The following MTHFD1L variants were observed in gnomAD, a reference collection of about 807,000 sequenced individuals.
MTHFD1L encodes the protein methylenetetrahydrofolate dehydrogenase (NADP+ dependent) 1 like.
A neutral mutation model predicts 119.5 loss-of-function variants in MTHFD1L; 81 were observed. The ratio of observed to expected loss-of-function variants is 0.68; its 90% CI spans 0.57 to 0.82. The LOEUF is 0.82. MTHFD1L is among the 40% of genes least tolerant of loss of function. The probability of loss-of-function intolerance (pLI) is 0.00; values close to 1 mark genes in which losing one functional copy is unlikely to be tolerated. For missense variants in MTHFD1L, 1,125 were observed against 1,253.4 expected, an observed-to-expected ratio of 0.90 and a Z score of 1.55; for synonymous variants, 430 against 475.2, an observed-to-expected ratio of 0.90 and a Z score of 1.24.
chr6:150,886,956 G>A (rs185547027), intron 6 of MTHFD1L, among the ~76,000 whole-genome samples: 91 of 147,108 alleles, frequency 6.2e-4, no homozygotes, highest in African/African-American at 1.8e-3. Context: ...TGATCACACC[G>A]CAGCATTCCA....
At chr6:150,954,063 C>CT (rs1795245472) in intron 16 of MTHFD1L, among the ~76,000 whole-genome samples, 1 of 152,210 alleles carries the variant, frequency 6.6e-6, no homozygotes, top group African/African-American at 2.4e-5. Flanking sequence ...GTTATAAAGA[C>CT]TAACAACAGC....
At chr6:150,967,768 C>G (rs143685922) in intron 19 of MTHFD1L, among the ~76,000 whole-genome samples, 1 of 152,092 alleles carries the variant, frequency 6.6e-6, no homozygotes, top group African/African-American at 2.4e-5. Flanking sequence ...GCTGCCAGCA[C>G]GCCCCACCTG....
intron 20 of MTHFD1L, among the ~76,000 whole-genome samples, chr6:151,004,862 CAA>C (rs1781169692): frequency 6.6e-6 from 1 of 152,180 alleles, no homozygotes; most frequent in South Asian, 2.1e-4. Flanking sequence ...ATTGCCAAGA[CAA>C]ATAATTCTTA....
At chr6:150,877,496 G>A in intron 2 of MTHFD1L, 138 bp from the exon 3 acceptor site, 2 of 917,018 alleles carry the variant, frequency 2.2e-6, no homozygotes, top group Non-Finnish European at 3.3e-6. Flanking sequence ...CTTTTTATAA[G>A]CAGCAAGATT....
chr6:151,045,722 C>T (rs1787903673), intron 26 of MTHFD1L, among the ~76,000 whole-genome samples: 1 of 152,160 alleles, frequency 6.6e-6, no homozygotes, highest in Non-Finnish European at 1.5e-5. Context: ...GAGTCCTTTT[C>T]CCCAGGGTTC....
chr6:151,015,645 AGAGGCTGC>A lies in MTHFD1L; in HGVS notation c.2542_2549del (p.Ala848Ter), dbSNP rs1349476914. The A allele has an allele frequency of 6.2e-7, 1 of 1,613,984 alleles. No individual in the cohort carries two copies. The highest frequency in any genetic ancestry group is 8.5e-7 in the Non-Finnish European group (1 of 1,180,030). ...CGGTGGACTTGGCTCGGGCTGTGAG[AGAGGCTGC>A]GAGTAAAAGAAGCCGATTCCAGTTC... On this transcript the variant is annotated frameshift_variant, in exon 24 of 28. Transcript: ENST00000367321. LOFTEE classifies it high-confidence loss of function.
intron 26 of MTHFD1L, among the ~76,000 whole-genome samples, chr6:151,050,140 A>G (rs1261131310): frequency 6.6e-6 from 1 of 152,090 alleles, no homozygotes; most frequent in Non-Finnish European, 1.5e-5. Context: ...ACCTCTTCAT[A>G]TGTGTCCTTT....
chr6:150,919,618 A>G (rs1788558335), intron 9 of MTHFD1L, among the ~76,000 whole-genome samples: 1 of 152,194 alleles, frequency 6.6e-6, no homozygotes, highest in African/African-American at 2.4e-5. Flanking sequence ...CAGAAAGTGA[A>G]GGGAAAGCAG....
At chr6:150,948,775 G>T (rs9478155) in intron 15 of MTHFD1L, among the ~76,000 whole-genome samples, 29,446 of 132,398 alleles carry the variant, frequency 0.22, 4,875 homozygotes, top group East Asian at 0.4. Flanking sequence ...CAAGTAGCTG[G>T]GATTACAGGC....
chr6:150,927,123 A>C (rs1344974382), intron 11 of MTHFD1L, among the ~76,000 whole-genome samples: 2 of 152,136 alleles, frequency 1.3e-5, no homozygotes, highest in Non-Finnish European at 2.9e-5. Context: ...TTACGTATTT[A>C]ATTATTAATG....
Position 151,064,603 on chromosome 6 carries a change from G to A in MTHFD1L, c.2847+27486G>A, listed in dbSNP as rs145162752. Reference sequence around the variant, plus strand: ...GCTGGAATTATAGGCATGAGCCGCCGTGCCCAGCCAGTGTTAAATTATTTT... The same window carrying A: ...GCTGGAATTATAGGCATGAGCCGCCATGCCCAGCCAGTGTTAAATTATTTT... On this transcript the variant is annotated intron_variant, in intron 26 of 27. Transcript: ENST00000367321. Among the ~76,000 whole-genome samples, 805 of 152,098 alleles carry A rather than the reference G, an allele frequency of 5.3e-3. 8 individuals carry two copies. The highest frequency in any genetic ancestry group is 0.017 in the African/African-American group (721 of 41,486).
intron 20 of MTHFD1L, among the ~76,000 whole-genome samples, chr6:150,978,701 T>C (rs762447356): frequency 3.9e-5 from 6 of 152,162 alleles, no homozygotes; most frequent in Non-Finnish European, 7.3e-5. Context: ...GTGCTGAGAC[T>C]ATCATATACC....
intron 26 of MTHFD1L, among the ~76,000 whole-genome samples, chr6:151,078,632 C>G (rs1792818119): frequency 6.6e-6 from 1 of 152,112 alleles, no homozygotes; most frequent in South Asian, 2.1e-4. Context: ...GAGGCCACAC[C>G]CAGGTCCCAG....
At chr6:150,953,681 G>T (rs1795174545) in intron 16 of MTHFD1L, among the ~76,000 whole-genome samples, 1 of 152,138 alleles carries the variant, frequency 6.6e-6, no homozygotes, top group Admixed American at 6.5e-5. Flanking sequence ...GCAGAGGTGG[G>T]CTTTGGAGGC....
At chr6:150,890,888 G>C (rs1034030850) in intron 7 of MTHFD1L, among the ~76,000 whole-genome samples, 1 of 152,220 alleles carries the variant, frequency 6.6e-6, no homozygotes, top group Admixed American at 6.5e-5. Context: ...GTTGCATGTA[G>C]AGTATGCATA....
At chr6:150,934,823 C>G (rs1030522995) in intron 11 of MTHFD1L, 44 of 1,038,650 alleles carry the variant, frequency 4.2e-5, no homozygotes, top group Non-Finnish European at 5.9e-5. Flanking sequence ...GTGCTTATCC[C>G]TCGTAGAAAT....
chr6:150,986,073 G>C (rs1431836263), intron 20 of MTHFD1L, among the ~76,000 whole-genome samples: 1 of 152,210 alleles, frequency 6.6e-6, no homozygotes, highest in East Asian at 1.9e-4. Flanking sequence ...ACCAAGGGGA[G>C]AGAAACCAGA....
chr6:150,998,158 C>A lies in MTHFD1L; in HGVS notation c.2126-11661C>A, dbSNP rs79889724. Among the ~76,000 whole-genome samples, 11 of 152,276 alleles carry A rather than the reference C, an allele frequency of 7.2e-5. No homozygotes were observed. The East Asian group carries it at 2.1e-3, about 29-fold the overall frequency. On this transcript the variant is annotated intron_variant, in intron 20 of 27. Transcript: ENST00000367321. ...AATAATTTTCTATCCTATTTTATTT[C>A]CTTTTTTTAAATGCTGGTTGAAATT...
At chr6:151,088,854 C>T (rs770868912) in intron 26 of MTHFD1L, among the ~76,000 whole-genome samples, 1 of 152,152 alleles carries the variant, frequency 6.6e-6, no homozygotes, top group Non-Finnish European at 1.5e-5. Context: ...CCAGGAACCG[C>T]ACAAATCCTG....
Sources: gnomAD v4.1 joint callset for allele counts (sites outside exome capture counted in the v4.1 genomes callset) on GRCh38, gnomAD v4.1.1 for gene constraint, MANE v1.5 for transcripts, NCBI Gene and HGNC (gene_info 2026-07-23, HGNC 2026-07-21) for gene names.